The following PLAGL1 variants were observed in gnomAD, a reference collection of about 807,000 sequenced individuals.
PLAGL1 encodes PLAG1 like zinc finger 1, also known as zinc finger protein PLAGL1.
Under a neutral mutation model 4.6 loss-of-function variants are expected in PLAGL1, and 1 was observed. The ratio of observed to expected loss-of-function variants is 0.22; its 90% CI spans 0.08 to 1.03. The LOEUF is 1.03. Ranked by LOEUF, PLAGL1 falls within the 50% of genes least tolerant of loss-of-function variation. The pLI is 0.58. For synonymous variants in PLAGL1, 240 were observed against 237.8 expected (o/e 1.01, Z -0.08); for missense variants, 464 against 570.4 (o/e 0.81, Z 1.90).
rs374821450 is a variant in PLAGL1 at position 144,053,173 on chromosome 6, C to T, written c.-151+11295G>A. Among the ~76,000 whole-genome samples the T allele has an allele frequency of 1.4e-4, 22 of 152,304 alleles. No individual in the cohort carries two copies. Among genetic ancestry groups the T allele is most frequent in the South Asian group, 8.3e-4 (4 of 4,832 alleles). ...TTTTTTTGAAATGGTCTCACTCTGT[C>T]GCCCAGGCTGGAGTGCAGTGGCGCA... On this transcript the variant is annotated intron_variant, in intron 1 of 3. Transcript: ENST00000437412. The surrounding 1 kb of genome is among the most constrained non-coding windows in gnomAD (Gnocchi z 4.0).
rs1024806126 is a variant in PLAGL1, at chr6:143,942,388, G to A, written c.428C>T (p.Ala143Val). The A allele has an allele frequency of 3.1e-6, 5 of 1,613,996 alleles. No individual in the cohort carries two copies. Among genetic ancestry groups the A allele is most frequent in the East Asian group, 2.2e-5 (1 of 44,890 alleles). The change falls in exon 8 of 8, where the codon GCG (alanine) becomes GTG (valine). Residue 143 changes from alanine to valine, a missense_variant. By Grantham distance (64) the Ala-to-Val change is moderately conservative. This residue lies in a region of PLAGL1 where 161 missense variants were observed against 196.7 expected (regional missense o/e 0.82). Coordinates refer to ENST00000674357, the MANE Select transcript of PLAGL1 (RefSeq NM_001317162.2). The surrounding 1 kb of genome is among the most constrained non-coding windows in gnomAD (Gnocchi z 7.6). ...EVLLDHLKAH[A>V]EEKPPSGTKE... ...GGTTCCGCTAGGGGGCTTCTCTTCC[G>A]CATGGGCTTTGAGGTGGTCCAGTAG...
At chr6:144,025,957 T>C (rs1796311719) in intron 1 of PLAGL1, among the ~76,000 whole-genome samples, 1 of 152,148 alleles carries the variant, frequency 6.6e-6, no homozygotes, top group African/African-American at 2.4e-5. Context: ...TTGGATTCAG[T>C]CAGTCTGGGA....
chr6:144,021,052 A>G (rs1468096986), intron 1 of PLAGL1, among the ~76,000 whole-genome samples: 1 of 151,886 alleles, frequency 6.6e-6, no homozygotes, highest in Admixed American at 6.6e-5. Flanking sequence ...GCCAGTAAAT[A>G]ATAAAGTTAA....
At chr6:144,047,454 T>G (rs1798249208) in intron 1 of PLAGL1, among the ~76,000 whole-genome samples, 1 of 152,160 alleles carries the variant, frequency 6.6e-6, no homozygotes, top group African/African-American at 2.4e-5. Context: ...ATGGGGTAAT[T>G]TTTAAAGTAA....
intron 1 of PLAGL1, among the ~76,000 whole-genome samples, chr6:143,987,521 T>G (rs981189063): frequency 7.2e-6 from 1 of 138,072 alleles, no homozygotes; most frequent in Non-Finnish European, 1.5e-5. Context: ...GCCCAAGAGA[T>G]TCTCCCACCT....
rs1785934317 is a variant in PLAGL1 at position 143,973,946 on chromosome 6, T to TTTTGG, written c.-543-4969_-543-4968insCCAAA. Reference sequence around the variant, plus strand: ...TACAACAAAAGTGTGAACAGAGATATAACAGGTTTTTTTGGATCCAGGTAA... The same window carrying TTTTGG: ...TACAACAAAAGTGTGAACAGAGATATTTTGGAACAGGTTTTTTTGGATCCAGGTAA... On this transcript the variant is annotated intron_variant, in intron 2 of 7. Transcript: ENST00000674357. This position sits in a 1 kb window ranked among gnomAD's most constrained non-coding sequence, Gnocchi z 6.2. Among the ~76,000 whole-genome samples the TTTTGG allele has an allele frequency of 6.6e-6, 1 of 152,202 alleles. No individual in the cohort carries two copies. Among genetic ancestry groups the TTTTGG allele is most frequent in the Non-Finnish European group, 1.5e-5 (1 of 68,034 alleles).
At position 143,962,148 on chromosome 6, in the gene PLAGL1, A is replaced by C. The variant is rs1160730775; in HGVS notation, c.-398-1606T>G. On this transcript the variant is annotated intron_variant, in intron 5 of 7. Coordinates refer to ENST00000674357, the MANE Select transcript of PLAGL1 (RefSeq NM_001317162.2). This position sits in a 1 kb window ranked among gnomAD's most constrained non-coding sequence, Gnocchi z 5.3. ...GCGCCAGTCTAATGCTTAAATAGTT[A>C]ACAATGCAACAGAGAGCCCAAGGCA... 6.6e-6 allele frequency among the ~76,000 whole-genome samples: 1 copy of C among 152,154 alleles called. No homozygotes were observed. The highest frequency in any genetic ancestry group is 1.5e-5 in the Non-Finnish European group (1 of 68,030).
rs952065615 is a variant in PLAGL1 at position 143,966,799 on chromosome 6, A to G, written c.-471-601T>C. ...TCTAATTTTAATATTTAACACTCCT[A>G]TGTTATGATCCCCGCCTCCCTTCAT... is the stretch of plus-strand genomic sequence containing the variant. On this transcript the variant is annotated intron_variant, in intron 3 of 7. Coordinates refer to ENST00000674357, the MANE Select transcript of PLAGL1 (RefSeq NM_001317162.2). This position sits in a 1 kb window ranked among gnomAD's most constrained non-coding sequence, Gnocchi z 6.0. The G allele has an allele frequency of 6.6e-6, 1 of 152,134 alleles. No individual in the cohort carries two copies. Among genetic ancestry groups the G allele is most frequent in the African/African-American group, 2.4e-5 (1 of 41,414 alleles). The allele number at this position is 152,134 out of a possible 1,614,324, so 9.4% of individuals were successfully genotyped here.
At position 144,022,831 on chromosome 6, in the gene PLAGL1, A is replaced by C. The variant is rs774197056; in HGVS notation, c.-151+41637T>G. ...GTCTCAGGTATGTCTTTATTGCAGCATGAGAACAGACTAATACACACAGAC... is the reference window on the plus strand; with the variant it reads ...GTCTCAGGTATGTCTTTATTGCAGCCTGAGAACAGACTAATACACACAGAC... On this transcript the variant is annotated intron_variant, in intron 1 of 3. Coordinates refer to the PLAGL1 transcript ENST00000437412. This position sits in a 1 kb window ranked among gnomAD's most constrained non-coding sequence, Gnocchi z 4.2. 5.9e-5 allele frequency among the ~76,000 whole-genome samples: 9 copies of C among 152,186 alleles called. No individual in the cohort carries two copies. Among genetic ancestry groups the C allele is most frequent in the Non-Finnish European group, 1.3e-4 (9 of 68,032 alleles).
chr6:144,035,697 A>G (rs1298250367), intron 1 of PLAGL1, among the ~76,000 whole-genome samples: 2 of 152,214 alleles, frequency 1.3e-5, no homozygotes, highest in Non-Finnish European at 2.9e-5. Flanking sequence ...CCCTGTTGCT[A>G]TGAGTGGTGA....
At position 143,942,001 on chromosome 6, in the gene PLAGL1, G is replaced by A. The variant is rs35263016; in HGVS notation, c.815C>T (p.Ala272Val). ...CTCTGGCAGCGGCTGCATAGGCTGG[G>A]CGGCTTGTTCTGGGGGACTGAGGGT... Reference protein sequence around the residue: ...SLTLSPPEQAAQPMQPLPESL... With the variant: ...SLTLSPPEQAVQPMQPLPESL... The change falls in exon 8 of 8, where the codon GCC becomes GTC. Residue 272 changes from alanine to valine, a missense_variant. Ala to Val is a moderately conservative substitution (Grantham distance 64, BLOSUM62 0). Transcript: ENST00000674357. This position sits in a 1 kb window ranked among gnomAD's most constrained non-coding sequence, Gnocchi z 7.6. 2.1e-3 allele frequency: 3,285 copies of A among 1,593,688 alleles called. 47 individuals are homozygous for A. In the African/African-American group the frequency reaches 0.036, roughly 17 times the overall value.
intron 1 of PLAGL1, among the ~76,000 whole-genome samples, chr6:144,045,000 C>CTTTTTTTTTT (rs138373370): frequency 1.3e-4 from 6 of 47,332 alleles, no homozygotes; most frequent in Non-Finnish European, 1.9e-4. Context: ...GCAACCCCTG[C>CTTTTTTTTTT]TTTTTTTTTT....
intron 1 of PLAGL1, among the ~76,000 whole-genome samples, chr6:144,028,672 C>G (rs1020172227): frequency 1.3e-5 from 2 of 152,162 alleles, no homozygotes; most frequent in Non-Finnish European, 2.9e-5. Context: ...TAAACTAGCT[C>G]TATTCAGGAC....
chr6:143,955,880 G>T lies in PLAGL1; in HGVS notation c.-325+4589C>A, dbSNP rs1050031584. ...TGACACTCTGTAAACAGAATAACTG[G>T]ATTAGGACTGAGGTTAGGGGAAAGA... On this transcript the variant is annotated intron_variant, in intron 6 of 7. Coordinates refer to ENST00000674357, the MANE Select transcript of PLAGL1 (RefSeq NM_001317162.2). The surrounding 1 kb of genome is among the most constrained non-coding windows in gnomAD (Gnocchi z 4.9). Among the ~76,000 whole-genome samples the T allele has an allele frequency of 2.6e-5, 4 of 152,260 alleles. No individual in the cohort carries two copies. Among genetic ancestry groups the T allele is most frequent in the African/African-American group, 9.6e-5 (4 of 41,538 alleles).
rs67928472 is a variant in PLAGL1, at chr6:144,027,234, CGAAAGAAAGAAA to C, written c.-151+37222_-151+37233del. On this transcript the variant is annotated intron_variant, in intron 1 of 3. Transcript: ENST00000437412. The surrounding 1 kb of genome is among the most constrained non-coding windows in gnomAD (Gnocchi z 5.8). Reference sequence around the variant, plus strand: ...GAAAGACCCCAACTCAAAGAACGAACGAAAGAAAGAAAGAAAGAAAGAAAGAAAGAAAGAAAG... The same window carrying C: ...GAAAGACCCCAACTCAAAGAACGAACGAAAGAAAGAAAGAAAGAAAGAAAG... Among the ~76,000 whole-genome samples the C allele has an allele frequency of 0.032, 3,599 of 111,620 alleles. 94 individuals carry two copies. The highest frequency in any genetic ancestry group is 0.065 in the Middle Eastern group (15 of 232). 73.2% of individuals were successfully genotyped at this position (111,620 alleles called of 152,430 possible).
In PLAGL1 at chr6:143,973,195, C is replaced by T. The variant is rs947378605; in HGVS notation, c.-543-4217G>A. 6.6e-6 allele frequency among the ~76,000 whole-genome samples: 1 copy of T among 152,160 alleles called. No individual in the cohort carries two copies. Among genetic ancestry groups the T allele is most frequent in the African/African-American group, 2.4e-5 (1 of 41,440 alleles). ...CATTCATTCCTTCAGGAAAACAGGG[C>T]ATTGATTTCAGCGAGTTCCCAGGGA... On this transcript the variant is annotated intron_variant, in intron 2 of 7. Coordinates refer to ENST00000674357, the MANE Select transcript of PLAGL1 (RefSeq NM_001317162.2). The surrounding 1 kb of genome is among the most constrained non-coding windows in gnomAD (Gnocchi z 6.2).
chr6:144,021,987 G>C (rs1796010180), intron 1 of PLAGL1, among the ~76,000 whole-genome samples: 1 of 152,160 alleles, frequency 6.6e-6, no homozygotes. Flanking sequence ...AATAAAAAAG[G>C]AGAGGAGAAG....
At position 144,015,134 on chromosome 6, in the gene PLAGL1, G is replaced by T. The variant is rs1795484852; in HGVS notation, c.-150-46156C>A. Among the ~76,000 whole-genome samples the T allele has an allele frequency of 6.6e-6, 1 of 152,136 alleles. No homozygotes were observed. The highest frequency in any genetic ancestry group is 2.4e-5 in the African/African-American group (1 of 41,424). ...ACGTAGCTAGTTCAAACTGAAATGT[G>T]CTACAAGTGTAAAATATACTCTGGC... is the stretch of plus-strand genomic sequence containing the variant. On this transcript the variant is annotated intron_variant, in intron 1 of 3. Coordinates refer to the PLAGL1 transcript ENST00000437412. This position sits in a 1 kb window ranked among gnomAD's most constrained non-coding sequence, Gnocchi z 4.3.
Position 143,941,892 on chromosome 6 carries a change from G to T in PLAGL1, c.924C>A (p.Thr308=), listed in dbSNP as rs1307722487. The part of the protein sequence containing the change: ...LPNHKYNTTS[T]SYSPLASLPL... ...GCAGGCTTGCAAGTGGGGAGTATGA[G>T]GTAGAAGTGGTGTTGTACTTGTGAT... The change falls in exon 8 of 8, where the codon ACC becomes ACA. Residue 308 remains threonine (T), a synonymous_variant. Coordinates refer to ENST00000674357, the MANE Select transcript of PLAGL1 (RefSeq NM_001317162.2). This position sits in a 1 kb window ranked among gnomAD's most constrained non-coding sequence, Gnocchi z 6.0. 2.5e-6 allele frequency: 4 copies of T among 1,613,952 alleles called. No homozygotes were observed. The highest frequency in any genetic ancestry group is 2.5e-6 in the Non-Finnish European group (3 of 1,180,008).
Sources: gnomAD v4.1 joint callset for allele counts (sites outside exome capture counted in the v4.1 genomes callset) on GRCh38, gnomAD v4.1.1 for gene constraint, gnomAD v4.1.1 regional missense constraint, Gnocchi (gnomAD v3.1) non-coding constraint, MANE v1.5 for transcripts, NCBI Gene and HGNC (gene_info 2026-07-23, HGNC 2026-07-21) for gene names.